MIR2052HG: variants seen among roughly 807,000 people sequenced by gnomAD.
MIR2052HG encodes MIR2052 host gene.
At chr8:74,688,788 G>A (rs932367709) in intron 2 of MIR2052HG, among the ~76,000 whole-genome samples, 13 of 152,058 alleles carry the variant, frequency 8.5e-5, no homozygotes, top group African/African-American at 2.9e-4. Flanking sequence ...AACCCAATTT[G>A]TCGCCTTTTA....
At chr8:74,687,228 A>G (rs776904377) in intron 2 of MIR2052HG, among the ~76,000 whole-genome samples, 16 of 152,290 alleles carry the variant, frequency 1.1e-4, no homozygotes, top group Middle Eastern at 3.4e-3. Flanking sequence ...GAATTAGAAC[A>G]CTTGTACACC....
intron 5 of MIR2052HG, chr8:74,757,337 C>A (rs989986616): frequency 1.3e-5 from 2 of 152,210 alleles, no homozygotes; most frequent in African/African-American, 4.8e-5. Flanking sequence ...CTTTGGGCAT[C>A]ATGGGAGTTA....
At chr8:74,604,270 A>T (rs1346814196) in intron 1 of MIR2052HG, 1 of 821,898 alleles carries the variant, frequency 1.2e-6, no homozygotes, top group Admixed American at 1.7e-5. Context: ...GGGGAGCTGG[A>T]CTTTGAGTGG....
intron 4 of MIR2052HG, among the ~76,000 whole-genome samples, chr8:74,704,837 A>C (rs1809393903): frequency 6.6e-6 from 1 of 152,124 alleles, no homozygotes; most frequent in South Asian, 2.1e-4. Context: ...CATATTGGCA[A>C]CATATCAAGT....
intron 2 of MIR2052HG, among the ~76,000 whole-genome samples, chr8:74,638,846 C>T (rs576148488): frequency 2.6e-5 from 4 of 152,084 alleles, no homozygotes; most frequent in South Asian, 4.1e-4. Context: ...CATCAGGATA[C>T]GGATGAAATC....
At chr8:74,600,211 G>A (rs1419387337) in intron 1 of MIR2052HG, among the ~76,000 whole-genome samples, 2 of 152,066 alleles carry the variant, frequency 1.3e-5, no homozygotes, top group Non-Finnish European at 2.9e-5. Flanking sequence ...GCTGGGAGCT[G>A]TAGACTGGAG....
chr8:74,652,534 T>C (rs1808764005), intron 2 of MIR2052HG, among the ~76,000 whole-genome samples: 2 of 152,166 alleles, frequency 1.3e-5, no homozygotes, highest in South Asian at 4.1e-4. Context: ...ATAGTGTATA[T>C]CTTATTCTGA....
At chr8:74,623,221 A>G (rs191681705) in intron 2 of MIR2052HG, among the ~76,000 whole-genome samples, 57 of 152,342 alleles carry the variant, frequency 3.7e-4, no homozygotes, top group Admixed American at 1.0e-3. Context: ...CACAATATAT[A>G]CATACATTAA....
chr8:74,637,208 T>C (rs2128734918), intron 2 of MIR2052HG, among the ~76,000 whole-genome samples: 1 of 152,268 alleles, frequency 6.6e-6, no homozygotes, highest in East Asian at 1.9e-4. Flanking sequence ...ATGGAAGATT[T>C]TCCAGATGGA....
chr8:74,652,650 G>A (rs76711952), intron 2 of MIR2052HG, among the ~76,000 whole-genome samples: 2 of 152,010 alleles, frequency 1.3e-5, no homozygotes, highest in South Asian at 2.1e-4. Flanking sequence ...GGGTTCTCTG[G>A]GGTGGGTGGA....
intron 2 of MIR2052HG, among the ~76,000 whole-genome samples, chr8:74,623,929 TC>T (rs1808401430): frequency 1.3e-5 from 2 of 152,136 alleles, no homozygotes; most frequent in Admixed American, 1.3e-4. Context: ...AAATTTTTAA[TC>T]ATGAAATTAG....
chr8:74,624,826 C>T (rs1241429336), intron 2 of MIR2052HG, among the ~76,000 whole-genome samples: 1 of 152,106 alleles, frequency 6.6e-6, no homozygotes, highest in African/African-American at 2.4e-5. Flanking sequence ...ATAGTTTTCT[C>T]ACTCCGTCTG....
chr8:74,709,745 G>A (rs765053289), intron 4 of MIR2052HG, among the ~76,000 whole-genome samples: 2 of 152,078 alleles, frequency 1.3e-5, no homozygotes, highest in African/African-American at 2.4e-5. Flanking sequence ...TATTTCATGT[G>A]TGCTGTGCTT....
intron 2 of MIR2052HG, among the ~76,000 whole-genome samples, chr8:74,641,633 A>C (rs1188786193): frequency 6.6e-6 from 1 of 152,136 alleles, no homozygotes; most frequent in African/African-American, 2.4e-5. Flanking sequence ...GCTTAAGTAC[A>C]AAAGTTGAGA....
chr8:74,602,877 T>TCTTTCTTTCTTTCTTTC (rs1808041121), intron 1 of MIR2052HG, among the ~76,000 whole-genome samples: 1 of 53,792 alleles, frequency 1.9e-5, no homozygotes, highest in Non-Finnish European at 3.4e-5. Context: ...TTCTTTCTTT[T>TCTTTCTTTCTTTCTTTC]TTCTATTCAC....
chr8:74,647,698 A>G (rs1808704261), intron 2 of MIR2052HG, among the ~76,000 whole-genome samples: 1 of 152,328 alleles, frequency 6.6e-6, no homozygotes, highest in East Asian at 1.9e-4. Flanking sequence ...TCAGGGACCC[A>G]GAATGGAGGG....
intron 2 of MIR2052HG, among the ~76,000 whole-genome samples, chr8:74,701,722 CA>C (rs1809359985): frequency 6.6e-6 from 1 of 152,088 alleles, no homozygotes; most frequent in African/African-American, 2.4e-5. Context: ...ATTTTGAAAT[CA>C]ATTAGCCAAA....
intron 4 of MIR2052HG, among the ~76,000 whole-genome samples, chr8:74,744,705 T>G (rs13270383): frequency 0.16 from 24,162 of 152,142 alleles, 2,585 homozygotes; most frequent in Middle Eastern, 0.29. Flanking sequence ...TGTGCCACAT[T>G]TTCTTAATCC....
At chr8:74,722,118 A>G (rs943230863) in intron 4 of MIR2052HG, among the ~76,000 whole-genome samples, 2 of 152,168 alleles carry the variant, frequency 1.3e-5, no homozygotes, top group Admixed American at 1.3e-4. Flanking sequence ...TTGAGGCTGC[A>G]GTGAGCCATG....
Sources: allele counts gnomAD v4.1 joint callset (sites outside exome capture counted in the v4.1 genomes callset), GRCh38; gene constraint gnomAD v4.1.1; transcripts MANE v1.5; gene names NCBI Gene and HGNC (gene_info 2026-07-23, HGNC 2026-07-21).